The following NAV3 variants were observed in gnomAD, a reference collection of about 807,000 sequenced individuals.
The protein encoded by NAV3 is pore membrane and/or filament interacting like protein 1.
In NAV3, 87 loss-of-function variants were observed where a neutral mutation model predicts 244.7. That is an observed-to-expected ratio of 0.36 (90% CI 0.30 to 0.42). The LOEUF is 0.42. Among genes scored for constraint, NAV3 ranks in the 20% least tolerant of loss-of-function variants. The pLI is 1.00. For synonymous variants in NAV3, 1,126 were observed against 1,042.2 expected, an observed-to-expected ratio of 1.08 and a Z score of -1.55; for missense variants, 2,663 against 2,893.3, an observed-to-expected ratio of 0.92 and a Z score of 1.83.
chr12:77,776,918 T>G (rs1006850146), intron 2 of NAV3, among the ~76,000 whole-genome samples: 1 of 152,206 alleles, frequency 6.6e-6, no homozygotes, highest in Non-Finnish European at 1.5e-5. Context: ...TAGTTGAGAT[T>G]TTGCTTAGTA....
chr12:77,769,397 G>A (rs558327204), intron 2 of NAV3, among the ~76,000 whole-genome samples: 2 of 152,318 alleles, frequency 1.3e-5, no homozygotes, highest in African/African-American at 4.8e-5. Context: ...TCCCAGAGTG[G>A]TCATGCAATC....
chr12:77,700,980 T>A (rs1244312344), intron 2 of NAV3, among the ~76,000 whole-genome samples: 1 of 151,722 alleles, frequency 6.6e-6, no homozygotes, highest in Non-Finnish European at 1.5e-5. Context: ...TAAACAATTT[T>A]ATATTAATAA....
intron 2 of NAV3, among the ~76,000 whole-genome samples, chr12:77,596,166 C>T (rs988243114): frequency 1.3e-5 from 2 of 152,116 alleles, no homozygotes; most frequent in Non-Finnish European, 2.9e-5. Context: ...GCTGTTTGAC[C>T]TTGCATAAGA....
Position 78,127,231 on chromosome 12 carries a change from T to C in NAV3, c.4280+23T>C, listed in dbSNP as rs768581435. 9 of 1,607,996 alleles carry C rather than the reference T, an allele frequency of 5.6e-6. No individual in the cohort carries two copies. In the Admixed American group the frequency reaches 8.4e-5, roughly 15 times the overall value. Reference sequence around the variant, plus strand: ...AAGGTATATATTCCTCTCAGCACAATTGCTACCTCTCTGTTGTTATGTAAA... The same window carrying C: ...AAGGTATATATTCCTCTCAGCACAACTGCTACCTCTCTGTTGTTATGTAAA... On this transcript the variant is annotated intron_variant, in intron 17 of 39. Coordinates refer to ENST00000397909, the MANE Select transcript of NAV3 (RefSeq NM_001024383.2).
At chr12:77,877,195 AAG>A (rs1171377484) in intron 1 of NAV3, among the ~76,000 whole-genome samples, 1 of 152,144 alleles carries the variant, frequency 6.6e-6, no homozygotes, top group African/African-American at 2.4e-5. Flanking sequence ...AAAACAAAAA[AAG>A]AGAATATTTC....
intron 2 of NAV3, among the ~76,000 whole-genome samples, chr12:77,809,162 C>A (rs1303064463): frequency 2.6e-5 from 4 of 152,144 alleles, no homozygotes; most frequent in Admixed American, 2.0e-4. Context: ...GGCTTCAGCC[C>A]CCTTTCCAGG....
intron 12 of NAV3, among the ~76,000 whole-genome samples, chr12:78,083,378 A>G (rs1488543201): frequency 1.3e-5 from 2 of 152,144 alleles, no homozygotes; most frequent in Non-Finnish European, 2.9e-5. Flanking sequence ...ATTTGGAGGG[A>G]GCAAACATTC....
chr12:78,137,337 G>C lies in NAV3; in HGVS notation c.4602G>C (p.Ser1534=). 6.2e-7 allele frequency: 1 copy of C among 1,612,640 alleles called. No homozygotes were observed. The change falls in exon 19 of 40, where the codon TCG becomes TCC. Residue 1534 remains serine (S), a synonymous_variant. Transcript: ENST00000397909. ...AAAGACCTCGTGCCATCAGTCATTC[G>C]GGCTCATTCAGAGACAGCATGGAAG... The part of the protein sequence containing the change: ...LEERPRAISH[S]GSFRDSMEEV...
chr12:77,902,101 T>C (rs1237002067), intron 1 of NAV3, among the ~76,000 whole-genome samples: 1 of 152,224 alleles, frequency 6.6e-6, no homozygotes, highest in African/African-American at 2.4e-5. Context: ...TATAATATGT[T>C]GTTTGCAAAA....
chr12:78,125,422 T>C (rs542166104), intron 16 of NAV3, among the ~76,000 whole-genome samples: 19 of 152,338 alleles, frequency 1.2e-4, no homozygotes, highest in African/African-American at 4.3e-4. Context: ...CTTCTGCAGC[T>C]GCTCTAGGTC....
intron 6 of NAV3, among the ~76,000 whole-genome samples, chr12:77,996,816 T>G (rs1231578488): frequency 6.6e-6 from 1 of 152,236 alleles, no homozygotes; most frequent in Non-Finnish European, 1.5e-5. Flanking sequence ...GTGCTATATT[T>G]GTAGATTTTG....
chr12:78,068,648 T>G (rs1952601987), intron 12 of NAV3, among the ~76,000 whole-genome samples: 1 of 147,644 alleles, frequency 6.8e-6, no homozygotes, highest in African/African-American at 2.5e-5. Context: ...TATATATAAT[T>G]TATAATACAT....
rs569429036 is a variant in NAV3 at position 77,944,159 on chromosome 12, G to A, written c.414+3026G>A. Among the ~76,000 whole-genome samples, 105 of 152,220 alleles carry A rather than the reference G, an allele frequency of 6.9e-4. No homozygotes were observed. In the Middle Eastern group the frequency reaches 0.02, roughly 30 times the overall value. The stretch of plus-strand genomic sequence containing the variant: ...CCACAAACAAATAGAAGAGCACCGT[G>A]GATTAGGCACAAGGAGAGTTGTTTG... On this transcript the variant is annotated intron_variant, in intron 3 of 39. Transcript: ENST00000397909.
intron 2 of NAV3, among the ~76,000 whole-genome samples, chr12:77,598,122 A>G (rs895604851): frequency 1.3e-5 from 2 of 152,044 alleles, no homozygotes; most frequent in Non-Finnish European, 2.9e-5. Flanking sequence ...TAGCTAGAAC[A>G]TTGTTTTGAG....
At chr12:77,819,470 T>G (rs561756061) in intron 2 of NAV3, among the ~76,000 whole-genome samples, 46 of 151,944 alleles carry the variant, frequency 3.0e-4, no homozygotes, top group African/African-American at 1.0e-3. Flanking sequence ...TTCTTTGAAG[T>G]TTGTGAAACT....
intron 2 of NAV3, among the ~76,000 whole-genome samples, chr12:77,631,736 C>A (rs2136919738): frequency 6.6e-6 from 1 of 152,280 alleles, no homozygotes; most frequent in African/African-American, 2.4e-5. Context: ...AGCATTCAAC[C>A]ATTTTTAACC....
At chr12:77,582,620 C>G (rs904010091) in intron 2 of NAV3, among the ~76,000 whole-genome samples, 6 of 152,192 alleles carry the variant, frequency 3.9e-5, no homozygotes, top group African/African-American at 1.4e-4. Context: ...ACAGTCCACA[C>G]AGGTAGGGCC....
intron 1 of NAV3, among the ~76,000 whole-genome samples, chr12:77,903,589 G>A (rs1885577736): frequency 6.6e-6 from 1 of 152,114 alleles, no homozygotes; most frequent in South Asian, 2.1e-4. Context: ...CATGGACAAG[G>A]ACTTCATGTC....
chr12:77,663,071 T>A (rs1873538660), intron 2 of NAV3, among the ~76,000 whole-genome samples: 1 of 152,232 alleles, frequency 6.6e-6, no homozygotes, highest in South Asian at 2.1e-4. Context: ...ATGTTGTAAA[T>A]TACAGTCTTT....
Sources: allele counts gnomAD v4.1 joint callset (sites outside exome capture counted in the v4.1 genomes callset), GRCh38; gene constraint gnomAD v4.1.1; transcripts MANE v1.5; gene names NCBI Gene and HGNC (gene_info 2026-07-23, HGNC 2026-07-21).